The following ABL1 variants were observed in gnomAD, a reference collection of about 807,000 sequenced individuals.
The protein encoded by ABL1 is tyrosine-protein kinase ABL1.
In ABL1, 11 loss-of-function variants were observed where a neutral mutation model predicts 94.7. The observed-to-expected ratio is 0.12, with a 90% CI of 0.07 to 0.19. The LOEUF is 0.19. ABL1 is among the 10% of genes least tolerant of loss of function. ABL1 has a pLI of 1.00. For synonymous variants in ABL1, 656 were observed against 622.4 expected (o/e 1.05, Z -0.80); for missense variants, 1,082 against 1,489.4 (o/e 0.73, Z 4.50).
intron 1 of ABL1, among the ~76,000 whole-genome samples, chr9:130,800,147 C>T (rs1181293625): frequency 6.6e-6 from 1 of 152,158 alleles, no homozygotes; most frequent in Non-Finnish European, 1.5e-5. Context: ...GCTGGGATTA[C>T]AGACGTGAGC....
intron 1 of ABL1, among the ~76,000 whole-genome samples, chr9:130,725,766 T>G (rs565506873): frequency 9.9e-5 from 15 of 151,234 alleles, no homozygotes; most frequent in African/African-American, 3.6e-4. Context: ...CCATTGTGTG[T>G]GTATATATAT....
intron 1 of ABL1, among the ~76,000 whole-genome samples, chr9:130,766,772 C>A (rs1360710060): frequency 3.9e-5 from 6 of 152,208 alleles, no homozygotes; most frequent in Non-Finnish European, 5.9e-5. Context: ...CGGCCCCACC[C>A]TGCCTTGCCC....
At chr9:130,865,328 G>A (rs749963501) in intron 4 of ABL1, among the ~76,000 whole-genome samples, 3 of 152,142 alleles carry the variant, frequency 2.0e-5, no homozygotes, top group Non-Finnish European at 4.4e-5. Flanking sequence ...TGAAAATACG[G>A]TACTAAGCAA....
chr9:130,755,570 T>A (rs773233402), intron 1 of ABL1, among the ~76,000 whole-genome samples: 3 of 152,348 alleles, frequency 2.0e-5, no homozygotes, highest in Non-Finnish European at 4.4e-5. Context: ...AATTGCCTGG[T>A]AGGACGTATT....
intron 1 of ABL1, among the ~76,000 whole-genome samples, chr9:130,791,836 G>C (rs1829912087): frequency 6.6e-6 from 1 of 152,078 alleles, no homozygotes. Flanking sequence ...CATATCGTGG[G>C]ACTTTGCCTT....
chr9:130,819,535 T>C (rs1191505253), intron 1 of ABL1, among the ~76,000 whole-genome samples: 1 of 115,624 alleles, frequency 8.6e-6, no homozygotes, highest in Non-Finnish European at 1.7e-5. Flanking sequence ...AAAATACCTT[T>C]TTTTTTTTTT....
chr9:130,729,901 ATT>A (rs551141408), intron 1 of ABL1, among the ~76,000 whole-genome samples: 16 of 130,488 alleles, frequency 1.2e-4, no homozygotes, highest in Admixed American at 1.6e-4. Context: ...ACACCAGGCT[ATT>A]TTTTTTTTTT....
intron 1 of ABL1, among the ~76,000 whole-genome samples, chr9:130,773,170 A>G (rs542794829): frequency 1.6e-4 from 24 of 152,070 alleles, no homozygotes; most frequent in African/African-American, 5.5e-4. Flanking sequence ...AAAATACAAA[A>G]TTAGCCGGGC....
exon 1 of ABL1, among the ~76,000 whole-genome samples, chr9:130,713,152 T>C (rs1220177569): frequency 6.6e-6 from 1 of 152,070 alleles, no homozygotes; most frequent in Non-Finnish European, 1.5e-5. Flanking sequence ...CCACGGCCCC[T>C]ACCGGCGGGG....
At position 130,769,624 on chromosome 9, in the gene ABL1, C is replaced by T. The variant is rs182788430; in HGVS notation, c.136+55169C>T. Among the ~76,000 whole-genome samples, 206 of 152,170 alleles carry T rather than the reference C, an allele frequency of 1.4e-3. 3 individuals are homozygous for T. Among genetic ancestry groups the T allele is most frequent in the Middle Eastern group, 6.8e-3 (2 of 294 alleles). ...AAGGTGCTGGGATTACAGGTGTGAG[C>T]CACCGTCCCCGGCCCCTAGTCTTTT... On this transcript the variant is annotated intron_variant, in intron 1 of 10. Transcript: ENST00000372348.
chr9:130,805,456 C>T (rs2132839584), intron 1 of ABL1, among the ~76,000 whole-genome samples: 1 of 152,242 alleles, frequency 6.6e-6, no homozygotes, highest in East Asian at 1.9e-4. Context: ...TTTTCTTTTT[C>T]TTACGGAATT....
chr9:130,725,844 T>TTG (rs1831577782), intron 1 of ABL1, among the ~76,000 whole-genome samples: 1 of 135,620 alleles, frequency 7.4e-6, no homozygotes, highest in African/African-American at 2.6e-5. Flanking sequence ...TTTTTTTTTT[T>TTG]TTTTTTTGAG....
At chr9:130,813,430 G>A (rs373040786) in intron 1 of ABL1, among the ~76,000 whole-genome samples, 13 of 149,710 alleles carry the variant, frequency 8.7e-5, no homozygotes, top group Admixed American at 3.3e-4. Context: ...GCATGGTGGC[G>A]CTCACCTGTA....
rs1564304626 is a variant in ABL1, at chr9:130,835,431, G to GT, written c.-15dup. The GT allele has an allele frequency of 1.5e-6, 2 of 1,375,512 alleles. No homozygotes were observed. Among genetic ancestry groups the GT allele is most frequent in the Admixed American group, 2.9e-5 (1 of 34,830 alleles). The allele number at this position is 1,375,512 out of a possible 1,614,324, so 85.2% of individuals were successfully genotyped here. On this transcript the variant is annotated 5_prime_UTR_variant, in exon 1 of 11. Transcript: ENST00000318560. The surrounding 1 kb of genome is among the most constrained non-coding windows in gnomAD (Gnocchi z 4.6). ...TGGGAGAGGGGTTCCGGCCCCCGACGTGCTGGCGCGGGAAAATGTTGGAGA... is the reference window on the plus strand; with the variant it reads ...TGGGAGAGGGGTTCCGGCCCCCGACGTTGCTGGCGCGGGAAAATGTTGGAGA...
chr9:130,733,680 A>G (rs2032421), intron 1 of ABL1, among the ~76,000 whole-genome samples: 31,548 of 146,590 alleles, frequency 0.22, 3,706 homozygotes, highest in Middle Eastern at 0.4. Context: ...CTGGGTTCAC[A>G]CCATTCTCCT....
At chr9:130,721,772 A>G (rs573228198) in intron 1 of ABL1, among the ~76,000 whole-genome samples, 1 of 151,834 alleles carries the variant, frequency 6.6e-6, no homozygotes, top group East Asian at 1.9e-4. Context: ...GAGGAAGTGC[A>G]ATTATTGGAT....
At chr9:130,752,281 C>G (rs1400149054) in intron 1 of ABL1, among the ~76,000 whole-genome samples, 1 of 152,182 alleles carries the variant, frequency 6.6e-6, no homozygotes, top group Non-Finnish European at 1.5e-5. Context: ...CATGTTATTT[C>G]ACTTCTGTAA....
chr9:130,803,839 A>T (rs185551662), intron 1 of ABL1, among the ~76,000 whole-genome samples: 123 of 152,336 alleles, frequency 8.1e-4, no homozygotes, highest in African/African-American at 2.8e-3. Flanking sequence ...AAGAGATCTT[A>T]AAGTTGACTA....
intron 10 of ABL1, among the ~76,000 whole-genome samples, chr9:130,882,791 C>T (rs548666680): frequency 1.5e-3 from 227 of 152,278 alleles, no homozygotes; most frequent in African/African-American, 5.1e-3. Context: ...ACCTCAGCCT[C>T]CCAAAGTGCT....
Sources: gnomAD v4.1 joint callset for allele counts (sites outside exome capture counted in the v4.1 genomes callset) on GRCh38, gnomAD v4.1.1 for gene constraint, Gnocchi (gnomAD v3.1) non-coding constraint, MANE v1.5 for transcripts, NCBI Gene and HGNC (gene_info 2026-07-23, HGNC 2026-07-21) for gene names.